RBFOX1: variants seen among roughly 807,000 people sequenced by gnomAD.
RBFOX1 encodes RNA binding protein fox-1 homolog 1.
A neutral mutation model predicts 57.7 loss-of-function variants in RBFOX1; 8 were observed. The observed-to-expected ratio is 0.14, with a 90% CI of 0.08 to 0.25. RBFOX1 has a LOEUF of 0.25. Ranked by LOEUF, RBFOX1 falls within the 10% of genes least tolerant of loss-of-function variation. The pLI is 1.00. For missense variants in RBFOX1, 611 were observed against 548.5 expected (o/e 1.11, Z -1.14); for synonymous variants, 326 against 222.4 (o/e 1.47, Z -4.15).
chr16:5,998,659 C>G (rs982931561), intron 4 of RBFOX1, among the ~76,000 whole-genome samples: 5 of 152,182 alleles, frequency 3.3e-5, no homozygotes, highest in African/African-American at 9.7e-5. Context: ...CCTGAGTGCA[C>G]TGGTGTGTTG....
At chr16:5,338,126 G>T (rs936940026) in intron 1 of RBFOX1, among the ~76,000 whole-genome samples, 1 of 151,518 alleles carries the variant, frequency 6.6e-6, no homozygotes, top group Non-Finnish European at 1.5e-5. Context: ...AGATGCTGCT[G>T]CTGGGTACTG....
chr16:7,358,080 C>G (rs560758831), intron 4 of RBFOX1, among the ~76,000 whole-genome samples: 1 of 152,314 alleles, frequency 6.6e-6, no homozygotes, highest in South Asian at 2.1e-4. Flanking sequence ...ATAGGCTGAT[C>G]TTCGATAGGT....
chr16:6,913,330 G>C (rs1406828333), intron 3 of RBFOX1, among the ~76,000 whole-genome samples: 1 of 152,084 alleles, frequency 6.6e-6, no homozygotes. Flanking sequence ...TGGGGATAAG[G>C]AGAATGGTCC....
At chr16:6,365,853 T>G (rs1397814075) in intron 2 of RBFOX1, among the ~76,000 whole-genome samples, 1 of 152,200 alleles carries the variant, frequency 6.6e-6, no homozygotes, top group Non-Finnish European at 1.5e-5. Flanking sequence ...TATCTAGATC[T>G]AGGCAGATAG....
chr16:5,435,602 G>A (rs986622620), intron 1 of RBFOX1, among the ~76,000 whole-genome samples: 2 of 152,022 alleles, frequency 1.3e-5, no homozygotes, highest in Admixed American at 1.3e-4. Context: ...GACCCAGGAG[G>A]GCCACCTCAC....
In RBFOX1 at chr16:6,876,557, C is replaced by T. The variant is rs75520861; in HGVS notation, c.-15-175500C>T. On this transcript the variant is annotated intron_variant, in intron 3 of 15. Transcript: ENST00000550418. ...TTGTTTGCAAAAAATTAAGTCACTT[C>T]TATAAAAATTAATAGTGTGAGAAAC... Among the ~76,000 whole-genome samples the T allele has an allele frequency of 2.0e-3, 303 of 152,206 alleles. 6 individuals are homozygous for T. In the East Asian group the frequency reaches 0.048, roughly 24 times the overall value.
chr16:6,714,719 G>C (rs1290397115), intron 3 of RBFOX1, among the ~76,000 whole-genome samples: 1 of 151,788 alleles, frequency 6.6e-6, no homozygotes, highest in Non-Finnish European at 1.5e-5. Context: ...TCACGTGGTG[G>C]CTTCAAGGTG....
intron 11 of RBFOX1, among the ~76,000 whole-genome samples, chr16:7,650,614 T>G (rs1182481768): frequency 6.6e-6 from 1 of 152,210 alleles, no homozygotes; most frequent in Admixed American, 6.5e-5. Context: ...TCTCAACATC[T>G]AAATCCTCCA....
rs565941451 is a variant in RBFOX1 at position 6,985,832 on chromosome 16, T to TAAAAAAAAAAAAA, written c.-15-66222_-15-66210dup. Among the ~76,000 whole-genome samples the TAAAAAAAAAAAAA allele has an allele frequency of 4.3e-4, 43 of 99,820 alleles. 2 individuals carry two copies. The highest frequency in any genetic ancestry group is 2.0e-3 in the African/African-American group (42 of 21,048). The allele number at this position is 99,820 out of a possible 152,430, so 65.5% of individuals were successfully genotyped here. A position where few individuals can be genotyped will look rare whatever the true frequency, so the allele number is the denominator to read the frequency against. Reference sequence around the variant, plus strand: ...CTGGGCCACAGAGCGTGAGTTCATGTAAAAAAAAAAAAAAACAGAATTTTT... The same window carrying TAAAAAAAAAAAAA: ...CTGGGCCACAGAGCGTGAGTTCATGTAAAAAAAAAAAAAAAAAAAAAAAAAAAACAGAATTTTT... On this transcript the variant is annotated intron_variant, in intron 3 of 15. Coordinates refer to ENST00000550418, the MANE Select transcript of RBFOX1 (RefSeq NM_018723.4).
intron 2 of RBFOX1, among the ~76,000 whole-genome samples, chr16:5,585,464 G>T (rs1442287354): frequency 6.6e-6 from 1 of 152,178 alleles, no homozygotes; most frequent in Non-Finnish European, 1.5e-5. Flanking sequence ...TTTTAAACTT[G>T]TAGACATGTG....
chr16:7,547,880 A>C (rs1567770585), intron 5 of RBFOX1, among the ~76,000 whole-genome samples: 1 of 152,172 alleles, frequency 6.6e-6, no homozygotes, highest in Non-Finnish European at 1.5e-5. Context: ...CTGATAGGAG[A>C]CAAAACAGAA....
intron 2 of RBFOX1, among the ~76,000 whole-genome samples, chr16:6,382,415 A>C (rs967008986): frequency 1.3e-5 from 2 of 152,190 alleles, no homozygotes; most frequent in African/African-American, 4.8e-5. Context: ...AATGGTACTG[A>C]GGACTAGTAA....
chr16:6,702,832 A>G (rs1025940461), intron 3 of RBFOX1, among the ~76,000 whole-genome samples: 1 of 152,232 alleles, frequency 6.6e-6, no homozygotes, highest in Admixed American at 6.5e-5. Flanking sequence ...CATTAAATAC[A>G]TTCACATTGT....
At chr16:6,009,704 C>T (rs1188933191) in intron 4 of RBFOX1, among the ~76,000 whole-genome samples, 2 of 152,238 alleles carry the variant, frequency 1.3e-5, no homozygotes, top group South Asian at 2.1e-4. Context: ...CCTCCCCCCA[C>T]CTCCAAGCCT....
chr16:7,308,768 C>G (rs974060875), intron 4 of RBFOX1, among the ~76,000 whole-genome samples: 9 of 152,176 alleles, frequency 5.9e-5, no homozygotes, highest in Non-Finnish European at 1.2e-4. Flanking sequence ...GGCTCTCGCG[C>G]GAAGGCTGCA....
chr16:7,113,903 G>C (rs565704159), intron 4 of RBFOX1, among the ~76,000 whole-genome samples: 15 of 152,012 alleles, frequency 9.9e-5, no homozygotes, highest in Non-Finnish European at 1.8e-4. Context: ...GTGTGCATGG[G>C]TGATTTCTTT....
chr16:5,918,594 G>A (rs1458490949), intron 4 of RBFOX1, among the ~76,000 whole-genome samples: 1 of 152,192 alleles, frequency 6.6e-6, no homozygotes, highest in Non-Finnish European at 1.5e-5. Flanking sequence ...ACAATTCTCT[G>A]GATGAATGAT....
chr16:7,562,607 G>C (rs1345490667), intron 5 of RBFOX1, among the ~76,000 whole-genome samples: 1 of 152,194 alleles, frequency 6.6e-6, no homozygotes, highest in African/African-American at 2.4e-5. Flanking sequence ...AGCCCCAGCA[G>C]AATGAGATGG....
At chr16:5,276,938 CTAAG>C (rs2151137527) in intron 1 of RBFOX1, among the ~76,000 whole-genome samples, 1 of 152,286 alleles carries the variant, frequency 6.6e-6, no homozygotes, top group South Asian at 2.1e-4. Context: ...AATCCCACTA[CTAAG>C]TATCTACCCA....
Sources: allele counts gnomAD v4.1 joint callset (sites outside exome capture counted in the v4.1 genomes callset), GRCh38; gene constraint gnomAD v4.1.1; transcripts MANE v1.5; gene names NCBI Gene and HGNC (gene_info 2026-07-23, HGNC 2026-07-21).